Variants in PSG6 observed in about 807,000 individuals in gnomAD.
The protein encoded by PSG6 is pregnancy specific beta-1-glycoprotein 6.
A neutral mutation model predicts 43.3 loss-of-function variants in PSG6; 51 were observed. That is an observed-to-expected ratio of 1.18 (90% CI 0.94 to 1.49). PSG6 has a LOEUF of 1.49. Ranked by LOEUF, PSG6 falls within the 40% of genes most tolerant of loss-of-function variation. PSG6 has a pLI of 0.00. For synonymous variants in PSG6, 292 were observed against 197.6 expected, an observed-to-expected ratio of 1.48 and a Z score of -4.01; for missense variants, 770 against 522.2, an observed-to-expected ratio of 1.47 and a Z score of -4.62.
Position 42,913,658 on chromosome 19 carries a change from A to G in PSG6, c.427+2467T>C, listed in dbSNP as rs994617300. Among the ~76,000 whole-genome samples the G allele has an allele frequency of 4.6e-5, 7 of 151,816 alleles. No individual in the cohort carries two copies. In the East Asian group the frequency reaches 1.2e-3, roughly 25 times the overall value. On this transcript the variant is annotated intron_variant, in intron 2 of 5. Transcript: ENST00000187910. ...TGAGCCTATGGGCTTAATTGCTCCT[A>G]TAATTGCTCCTATAGATAACATCAC...
At chr19:42,906,682 G>A in intron 5 of PSG6, 1 of 1,440,300 alleles carries the variant, frequency 6.9e-7, no homozygotes, top group Non-Finnish European at 9.2e-7. Flanking sequence ...AGGGCTCAGG[G>A]CTGATAAAGC....
chr19:42,902,412 T>C lies in PSG6; in HGVS notation c.1275A>G (p.Ter425=), dbSNP rs760814915. The part of the protein sequence containing the change: ...PCHGNQTESH[*] ...CTCAGTGTCTCTATTGTGGCAGCCA[T>C]TAATGAGACTCTGTCTGGTTTCCAT... Residue 425 remains the stop codon, a stop_retained_variant, in exon 6 of 6, where the codon TAA becomes TAG. Coordinates refer to ENST00000187910, the MANE Select transcript of PSG6 (RefSeq NM_001031850.4). The C allele has an allele frequency of 1.9e-6, 3 of 1,610,960 alleles. No individual in the cohort carries two copies. The highest frequency in any genetic ancestry group is 1.3e-5 in the African/African-American group (1 of 74,724).
intron 4 of PSG6, 69 bp downstream of exon 4, chr19:42,907,507 G>T: frequency 1.3e-6 from 2 of 1,595,934 alleles, no homozygotes; most frequent in Non-Finnish European, 1.7e-6. Flanking sequence ...GAGAGACTGA[G>T]AGGCCTGGCC....
At chr19:42,917,575 G>T (rs142905466) in intron 1 of PSG6, among the ~76,000 whole-genome samples, 154 bp downstream of exon 1, 2 of 151,156 alleles carry the variant, frequency 1.3e-5, no homozygotes, top group East Asian at 3.9e-4. Context: ...GTGTTGGCCA[G>T]ACTGATCTTG....
At chr19:42,906,570 A>C in intron 5 of PSG6, 1 of 1,324,680 alleles carries the variant, frequency 7.5e-7, no homozygotes, top group Non-Finnish European at 9.9e-7. Flanking sequence ...AGGTACAAGA[A>C]AACAAAGACA....
chr19:42,907,212 T>C (rs758023468), intron 4 of PSG6, 36 bp from the exon 5 acceptor site: 3 of 1,599,208 alleles, frequency 1.9e-6, no homozygotes, highest in South Asian at 2.3e-5. Context: ...GGTGATGTCA[T>C]CCAAGGGAAG....
rs190269136 is a variant in PSG6 at position 42,908,548 on chromosome 19, A to T, written c.707-694T>A. On this transcript the variant is annotated intron_variant, in intron 3 of 5. Coordinates refer to ENST00000187910, the MANE Select transcript of PSG6 (RefSeq NM_001031850.4). The stretch of plus-strand genomic sequence containing the variant: ...AGAAAGAGTGAAGGGGACAGGCAAG[A>T]GCTGGTGGCTTTGGAGCAGAAGCAT... Among the ~76,000 whole-genome samples, 296 of 151,816 alleles carry T rather than the reference A, an allele frequency of 1.9e-3. 9 individuals carry two copies. Among genetic ancestry groups the T allele is most frequent in the African/African-American group, 7.0e-3 (288 of 41,426 alleles).
intron 2 of PSG6, among the ~76,000 whole-genome samples, chr19:42,913,532 T>C (rs1972267138): frequency 6.6e-6 from 1 of 151,660 alleles, no homozygotes; most frequent in African/African-American, 2.4e-5. Context: ...ATTTCAAGCT[T>C]GTTTTATGCC....
rs1465094782 is a variant in PSG6 at position 42,910,570 on chromosome 19, A to G, written c.706+10T>C. 2 of 1,612,546 alleles carry G rather than the reference A, an allele frequency of 1.2e-6. No homozygotes were observed. The highest frequency in any genetic ancestry group is 1.1e-5 in the South Asian group (1 of 90,644). On this transcript the variant is annotated intron_variant, in intron 3 of 5. Transcript: ENST00000187910. Reference sequence around the variant, plus strand: ...GCAGCCTGGCTCACAGAGGAACAGAAGATACTCACGGAGGAGATTCAGGGT... The same window carrying G: ...GCAGCCTGGCTCACAGAGGAACAGAGGATACTCACGGAGGAGATTCAGGGT...
intron 2 of PSG6, among the ~76,000 whole-genome samples, chr19:42,914,475 G>T (rs1157265464): frequency 6.9e-6 from 1 of 144,194 alleles, no homozygotes; most frequent in Admixed American, 6.9e-5. Flanking sequence ...TGAGCAGTGA[G>T]GGAGACACTG....
rs184490216 is a variant in PSG6 at position 42,916,502 on chromosome 19, C to G, written c.65-15G>C. 12 of 1,602,624 alleles carry G rather than the reference C, an allele frequency of 7.5e-6. No homozygotes were observed. The highest frequency in any genetic ancestry group is 6.7e-5 in the African/African-American group (5 of 74,350). On this transcript the variant is annotated splice_polypyrimidine_tract_variant and intron_variant, in intron 1 of 5. Transcript: ENST00000187910. ...TAAAAGTGATGCTAGGAGGTAGAGA[C>G]AGCATCAGTTAATATTTGGACCTAT...
In PSG6 at chr19:42,902,484, T is replaced by G. The variant is rs377642767; in HGVS notation, c.1241-38A>C. On this transcript the variant is annotated intron_variant, in intron 5 of 5. Coordinates refer to ENST00000187910, the MANE Select transcript of PSG6 (RefSeq NM_001031850.4). ...AGGCCCAGGTCAGCGCATTTCAAAT[T>G]CACTACCTCCTTTACAGAGAAAGCT... The G allele has an allele frequency of 8.7e-6, 14 of 1,606,314 alleles. No homozygotes were observed. In the African/African-American group the frequency reaches 1.1e-4, roughly 12 times the overall value.
chr19:42,910,055 A>C lies in PSG6; in HGVS notation c.706+525T>G, dbSNP rs1292475009. 4.3e-5 allele frequency: 8 copies of C among 188,082 alleles called. 1 individual carries two copies. The highest frequency in any genetic ancestry group is 9.0e-5 in the Non-Finnish European group (8 of 88,684). 11.7% of individuals were successfully genotyped at this position (188,082 alleles called of 1,614,324 possible). On this transcript the variant is annotated intron_variant, in intron 3 of 5. Transcript: ENST00000187910. Reference sequence around the variant, plus strand: ...CTTGTGCTGATTGCTGGAACTTCCCATCAATCAGCCAAGAATGCTCTGCCA... The same window carrying C: ...CTTGTGCTGATTGCTGGAACTTCCCCTCAATCAGCCAAGAATGCTCTGCCA...
At chr19:42,910,937 A>C (rs1203475477) in intron 2 of PSG6, 79 bp from the exon 3 acceptor site, 1 of 1,531,862 alleles carries the variant, frequency 6.5e-7, no homozygotes, top group Non-Finnish European at 8.8e-7. Context: ...CAGAGTTGGC[A>C]TTTCCAACCT....
chr19:42,910,699 T>A lies in PSG6; in HGVS notation c.587A>T (p.Lys196Ile), dbSNP rs1215485011. 3.7e-6 allele frequency: 6 copies of A among 1,612,248 alleles called. No individual in the cohort carries two copies. In the East Asian group the frequency reaches 6.7e-5, roughly 18 times the overall value. Residue 196 changes from lysine to isoleucine, a missense_variant, in exon 3 of 6, where the codon AAA becomes ATA. Transcript: ENST00000187910. ...AAATAGATAGAGGGTCCTGTTGGTT[T>A]TGGACAGCTGCAACCTGTGAGTCAT... Reference protein sequence around the residue: ...LPMTHRLQLSKTNRTLYLFGV... With the variant: ...LPMTHRLQLSITNRTLYLFGV...
chr19:42,907,949 C>T, intron 3 of PSG6, 95 bp from the exon 4 acceptor site: 3 of 1,524,536 alleles, frequency 2.0e-6, no homozygotes, highest in Non-Finnish European at 2.7e-6. Flanking sequence ...TGTCAACCCA[C>T]ATGAGTCCTT....
chr19:42,906,503 G>C, intron 5 of PSG6: 4 of 1,238,446 alleles, frequency 3.2e-6, no homozygotes, highest in East Asian at 3.4e-5. Flanking sequence ...CCTCTCATTT[G>C]GGGGAAAAGT....
rs1193816367 is a variant in PSG6, at chr19:42,902,271, C to T, written c.*141G>A. Reference sequence around the variant, plus strand: ...GAGAATAAAACATTCCAAGAATCAGCACATTTTCCAATAAAAAATTATGAA... The same window carrying T: ...GAGAATAAAACATTCCAAGAATCAGTACATTTTCCAATAAAAAATTATGAA... On this transcript the variant is annotated 3_prime_UTR_variant, in exon 6 of 6. Transcript: ENST00000187910. 3.7e-6 allele frequency: 4 copies of T among 1,068,790 alleles called. No homozygotes were observed. The highest frequency in any genetic ancestry group is 1.6e-5 in the African/African-American group (1 of 63,088). 66.2% of individuals were successfully genotyped at this position (1,068,790 alleles called of 1,614,324 possible). A position where few individuals can be genotyped will look rare whatever the true frequency, so the allele number is the denominator to read the frequency against.
intron 3 of PSG6, among the ~76,000 whole-genome samples, chr19:42,908,977 G>C (rs2038857000): frequency 6.6e-6 from 1 of 151,620 alleles, no homozygotes; most frequent in Non-Finnish European, 1.5e-5. Context: ...ATCTGCTGTA[G>C]AGCTTGATGC....
Sources: allele counts gnomAD v4.1 joint callset (sites outside exome capture counted in the v4.1 genomes callset), GRCh38; gene constraint gnomAD v4.1.1; transcripts MANE v1.5; gene names NCBI Gene and HGNC (gene_info 2026-07-23, HGNC 2026-07-21).